The following ANKRD30B variants were observed in gnomAD, a reference collection of about 807,000 sequenced individuals.
ANKRD30B encodes ankyrin repeat domain-containing protein 30B.
ANKRD30B carries 144 observed loss-of-function variants against 202.2 expected under a neutral mutation model. That is an observed-to-expected ratio of 0.71 (90% CI 0.62 to 0.82). The LOEUF (loss-of-function observed/expected upper bound fraction) is 0.82, where lower values mean the gene tolerates loss of function less well. Ranked by LOEUF, ANKRD30B falls within the 40% of genes least tolerant of loss-of-function variation. The probability of loss-of-function intolerance (pLI) is 0.00; values close to 1 mark genes in which losing one functional copy is unlikely to be tolerated. For missense variants in ANKRD30B, 1,487 were observed against 1,669.1 expected, an observed-to-expected ratio of 0.89 and a Z score of 1.90; for synonymous variants, 508 against 561.3, an observed-to-expected ratio of 0.91 and a Z score of 1.34.
At chr18:14,903,497 G>A in the ANKRD30B span, 1 of 152,300 alleles carries the variant, frequency 6.6e-6, no homozygotes, top group East Asian at 1.9e-4. Context: ...ATATTGTCTT[G>A]TGAAAGTCTG....
Position 14,854,572 on chromosome 18 carries a change from T to C in ANKRD30B, c.*414T>C, listed in dbSNP as rs2792519. 3.9e-5 allele frequency among the ~76,000 whole-genome samples: 6 copies of C among 152,188 alleles called. 1 individual carries two copies. Among genetic ancestry groups the C allele is most frequent in the Non-Finnish European group, 8.8e-5 (6 of 68,032 alleles). On this transcript the variant is annotated 3_prime_UTR_variant, in exon 44 of 44. Coordinates refer to ENST00000690538, the MANE Select transcript of ANKRD30B (RefSeq NM_001367607.2). ...ACAATGGACTGCAGAGTGTCATACA[T>C]AGTTTTCAGTAAAATACTGGACAAT...
At chr18:14,880,822 T>C in the ANKRD30B span, among the ~76,000 whole-genome samples, 1 of 152,192 alleles carries the variant, frequency 6.6e-6, no homozygotes, top group African/African-American at 2.4e-5. Flanking sequence ...TTTTGTTGTT[T>C]TATTTTTGTT....
rs1429315597 is a variant in ANKRD30B at position 14,804,905 on chromosome 18, A to G, written c.2284+1081A>G. On this transcript the variant is annotated intron_variant, in intron 24 of 43. Transcript: ENST00000690538. ...GCTAGATTATTTTGGATTTTGTATG[A>G]AGGAAAATGGAGTGAACTCACTTCG... Among the ~76,000 whole-genome samples, 15 of 150,878 alleles carry G rather than the reference A, an allele frequency of 9.9e-5. No individual in the cohort carries two copies. The East Asian group carries it at 2.5e-3, about 25-fold the overall frequency.
intron 34 of ANKRD30B, among the ~76,000 whole-genome samples, chr18:14,834,283 A>G (rs1358111087): frequency 6.6e-6 from 1 of 152,118 alleles, no homozygotes; most frequent in East Asian, 1.9e-4. Context: ...ACTGTGTAAG[A>G]ATAAATTTTT....
In ANKRD30B at chr18:14,852,478, T is replaced by C. The variant is rs773375073; in HGVS notation, c.4476+58T>C. 6 of 1,486,540 alleles carry C rather than the reference T, an allele frequency of 4.0e-6. 1 individual carries two copies. The South Asian group carries it at 5.7e-5, about 14-fold the overall frequency. 92.1% of individuals were successfully genotyped at this position (1,486,540 alleles called of 1,614,324 possible). On this transcript the variant is annotated intron_variant, in intron 42 of 43. Transcript: ENST00000690538. ...CTTCCTGAAAGAAAGTGGCCTTGGCTAAATGCTGAATCTAGTTGAATATAT... is the reference window on the plus strand; with the variant it reads ...CTTCCTGAAAGAAAGTGGCCTTGGCCAAATGCTGAATCTAGTTGAATATAT...
the ANKRD30B span, among the ~76,000 whole-genome samples, chr18:14,927,303 C>T: frequency 6.6e-6 from 1 of 152,114 alleles, no homozygotes; most frequent in African/African-American, 2.4e-5. Flanking sequence ...GAACTCAGGG[C>T]CTACACAATT....
the ANKRD30B span, among the ~76,000 whole-genome samples, chr18:14,934,456 C>T: frequency 3.3e-5 from 5 of 152,244 alleles, no homozygotes; most frequent in African/African-American, 1.2e-4. Context: ...GTCCACTGCT[C>T]CTCCTTCCTG....
At chr18:14,931,071 G>A in the ANKRD30B span, among the ~76,000 whole-genome samples, 1 of 152,158 alleles carries the variant, frequency 6.6e-6, no homozygotes, top group African/African-American at 2.4e-5. Context: ...TGATTGTGCT[G>A]CGAGGTGGCA....
intron 4 of ANKRD30B, among the ~76,000 whole-genome samples, chr18:14,755,878 C>A (rs1224082965): frequency 6.6e-6 from 1 of 152,094 alleles, no homozygotes; most frequent in South Asian, 2.1e-4. Flanking sequence ...GTGCATGTGT[C>A]TTTATAGCAG....
chr18:14,885,788 T>C, the ANKRD30B span, among the ~76,000 whole-genome samples: 1 of 151,940 alleles, frequency 6.6e-6, no homozygotes, highest in Non-Finnish European at 1.5e-5. Context: ...GTTTTTATAT[T>C]TTTATATTAT....
the ANKRD30B span, among the ~76,000 whole-genome samples, chr18:14,901,520 T>TATTTTTTG: frequency 2.0e-5 from 3 of 151,768 alleles, no homozygotes; most frequent in Non-Finnish European, 4.4e-5. Flanking sequence ...TATTGCTGAT[T>TATTTTTTG]CTTTTTATTT....
rs1238242578 is a variant in ANKRD30B, at chr18:14,748,517, C to CCAT, written c.100_102dup (p.Ile34dup). 5 of 1,552,156 alleles carry CCAT rather than the reference C, an allele frequency of 3.2e-6. No individual in the cohort carries two copies. Among genetic ancestry groups the CCAT allele is most frequent in the Non-Finnish European group, 4.4e-6 (5 of 1,147,262 alleles). On this transcript the variant is annotated inframe_insertion, in exon 1 of 44. Transcript: ENST00000690538. ...GTCTACACTGAGAAGGACTACGGGA[C>CCAT]CATCTACTTCGGGGATCTAGGGAAG...
intron 33 of ANKRD30B, among the ~76,000 whole-genome samples, chr18:14,830,656 C>G (rs1166408139): frequency 6.6e-6 from 1 of 152,040 alleles, no homozygotes; most frequent in African/African-American, 2.4e-5. Context: ...GTAACTGTAC[C>G]TTTCTTCCTC....
Position 14,852,129 on chromosome 18 carries a change from G to T in ANKRD30B, c.4185G>T (p.Lys1395Asn). The change falls in exon 42 of 44, where the codon AAG becomes AAT. Residue 1395 changes from lysine to asparagine, a missense_variant. Lys to Asn is a moderately conservative substitution (Grantham distance 94, BLOSUM62 0). This residue lies in a region of ANKRD30B where 182 missense variants were observed against 216.0 expected (regional missense o/e 0.84). Coordinates refer to ENST00000690538, the MANE Select transcript of ANKRD30B (RefSeq NM_001367607.2). ...GATGTGAAACACAGTGTCAAATGAA[G>T]AAAGCTGAACACATGTATCAAAATG... Reference protein sequence around the residue: ...RDRCETQCQMKKAEHMYQNEQ... With the variant: ...RDRCETQCQMNKAEHMYQNEQ... The T allele has an allele frequency of 1.2e-6, 2 of 1,601,528 alleles. No homozygotes were observed. The highest frequency in any genetic ancestry group is 1.7e-6 in the Non-Finnish European group (2 of 1,173,656).
intron 39 of ANKRD30B, among the ~76,000 whole-genome samples, chr18:14,846,687 T>C (rs1436872731): frequency 6.6e-6 from 1 of 152,124 alleles, no homozygotes; most frequent in Non-Finnish European, 1.5e-5. Flanking sequence ...ACCTTGTTTA[T>C]TGCTGGTAAT....
At chr18:14,885,575 C>A in the ANKRD30B span, among the ~76,000 whole-genome samples, 1 of 151,876 alleles carries the variant, frequency 6.6e-6, no homozygotes, top group African/African-American at 2.4e-5. Flanking sequence ...GTGAGGGGCA[C>A]CGTTTTAGAG....
chr18:14,822,087 A>G (rs1439680258), intron 30 of ANKRD30B, among the ~76,000 whole-genome samples: 8 of 152,086 alleles, frequency 5.3e-5, no homozygotes, highest in African/African-American at 1.9e-4. Flanking sequence ...ATAATATGTC[A>G]TAGCATTCTA....
At chr18:14,829,200 A>AT (rs1970797002) in intron 33 of ANKRD30B, among the ~76,000 whole-genome samples, 2 of 152,136 alleles carry the variant, frequency 1.3e-5, no homozygotes, top group African/African-American at 4.8e-5. Flanking sequence ...GAATTTTAGG[A>AT]TTTTAAGGAC....
intron 7 of ANKRD30B, 70 bp from the exon 8 acceptor site, chr18:14,769,273 C>T (rs1314838715): frequency 1.7e-5 from 21 of 1,231,718 alleles, no homozygotes; most frequent in Middle Eastern, 2.8e-4. Flanking sequence ...TGCCCTCTTA[C>T]GTTGTTAATA....
Sources: allele counts gnomAD v4.1 joint callset (sites outside exome capture counted in the v4.1 genomes callset), GRCh38; gene constraint gnomAD v4.1.1; regional missense constraint gnomAD v4.1.1; transcripts MANE v1.5; gene names NCBI Gene and HGNC (gene_info 2026-07-23, HGNC 2026-07-21).